ACAD11: variants seen among roughly 807,000 people sequenced by gnomAD.
ACAD11 encodes acyl-CoA dehydrogenase family member 11.
In ACAD11, 83 loss-of-function variants were observed where a neutral mutation model predicts 102.2. The ratio of observed to expected loss-of-function variants is 0.81; its 90% CI spans 0.68 to 0.97. The LOEUF (loss-of-function observed/expected upper bound fraction) is 0.97. Ranked by LOEUF, ACAD11 falls within the 50% of genes least tolerant of loss-of-function variation. The pLI is 0.00. For synonymous variants in ACAD11, 324 were observed against 319.8 expected (o/e 1.01, Z -0.14); for missense variants, 901 against 951.7 (o/e 0.95, Z 0.70).
chr3:132,561,338 T>C (rs1188190878), intron 17 of ACAD11, 121 bp from the exon 18 acceptor site: 3 of 748,198 alleles, frequency 4.0e-6, no homozygotes, highest in Non-Finnish European at 7.1e-6. Flanking sequence ...TTCACAAGCT[T>C]TACTCTATGT....
At chr3:132,559,187 T>C (rs1936973825) in intron 19 of ACAD11, 102 bp from the exon 20 acceptor site, 2 of 828,266 alleles carry the variant, frequency 2.4e-6, no homozygotes, top group African/African-American at 3.4e-5. Context: ...ATATTAATTC[T>C]TAAATTCCAC....
At chr3:132,611,920 A>G (rs1939171469) in intron 11 of ACAD11, among the ~76,000 whole-genome samples, 1 of 152,082 alleles carries the variant, frequency 6.6e-6, no homozygotes, top group Non-Finnish European at 1.5e-5. Context: ...TCGCCAAGTC[A>G]ATCCTAAGCC....
At chr3:132,590,368 G>C (rs925836468) in intron 13 of ACAD11, among the ~76,000 whole-genome samples, 2 of 151,946 alleles carry the variant, frequency 1.3e-5, no homozygotes, top group Admixed American at 6.6e-5. Flanking sequence ...AGTGATTCTC[G>C]TGCCTTGGCC....
intron 17 of ACAD11, among the ~76,000 whole-genome samples, chr3:132,568,251 T>C (rs1937268871): frequency 6.6e-6 from 1 of 151,842 alleles, no homozygotes; most frequent in South Asian, 2.1e-4. Context: ...AAAAAAACTA[T>C]ACTTCCATAT....
intron 11 of ACAD11, among the ~76,000 whole-genome samples, chr3:132,616,336 G>A (rs1939408504): frequency 6.6e-6 from 1 of 152,160 alleles, no homozygotes; most frequent in Non-Finnish European, 1.5e-5. Flanking sequence ...TGAGTTCACA[G>A]GTCAAATGAT....
chr3:132,646,463 G>A (rs1940721932), intron 1 of ACAD11: 1 of 152,150 alleles, frequency 6.6e-6, no homozygotes, highest in Non-Finnish European at 1.5e-5. Context: ...CATTTTTGAT[G>A]AGGCAGTTCT....
At chr3:132,584,017 GA>G (rs1559940211) in intron 13 of ACAD11, among the ~76,000 whole-genome samples, 2 of 152,204 alleles carry the variant, frequency 1.3e-5, no homozygotes, top group African/African-American at 4.8e-5. Flanking sequence ...GTGTGGTGCT[GA>G]AAAGAATGTA....
chr3:132,570,144 T>C (rs1195913185), intron 17 of ACAD11, among the ~76,000 whole-genome samples: 6 of 152,028 alleles, frequency 3.9e-5, no homozygotes, highest in Non-Finnish European at 8.8e-5. Context: ...AGTGGAAAAA[T>C]ATGAAAATCA....
intron 11 of ACAD11, among the ~76,000 whole-genome samples, chr3:132,612,471 A>T (rs1939200432): frequency 6.6e-6 from 1 of 152,008 alleles, no homozygotes; most frequent in Non-Finnish European, 1.5e-5. Context: ...ATTGCAACCT[A>T]CTCATCTGAC....
intron 1 of ACAD11, chr3:132,650,503 T>A (rs912072692): frequency 1.3e-5 from 2 of 152,184 alleles, no homozygotes; most frequent in South Asian, 2.1e-4. Flanking sequence ...ACAGTTTTTT[T>A]AAAAAATCAT....
chr3:132,588,701 C>A (rs1179244139), intron 13 of ACAD11, among the ~76,000 whole-genome samples: 1 of 152,140 alleles, frequency 6.6e-6, no homozygotes, highest in African/African-American at 2.4e-5. Context: ...AAAGGACCAT[C>A]CTCATTTGTA....
At chr3:132,579,462 C>T (rs1261315816) in intron 14 of ACAD11, 30 bp downstream of exon 14, 1 of 1,576,244 alleles carries the variant, frequency 6.3e-7, no homozygotes, top group Non-Finnish European at 8.7e-7. Flanking sequence ...CATTCCTACA[C>T]AGGTTTCTCA....
intron 13 of ACAD11, among the ~76,000 whole-genome samples, chr3:132,589,435 CTTAG>C (rs1460810231): frequency 6.6e-6 from 1 of 152,156 alleles, no homozygotes; most frequent in East Asian, 1.9e-4. Flanking sequence ...TGCTTTGATT[CTTAG>C]TTAGAAATTA....
At chr3:132,650,599 C>G (rs367748025) in intron 1 of ACAD11, among the ~76,000 whole-genome samples, 6 of 152,204 alleles carry the variant, frequency 3.9e-5, no homozygotes, top group African/African-American at 1.4e-4. Context: ...ACTTTATCCA[C>G]ATGATAAATA....
chr3:132,561,074 T>C (rs764349333), intron 18 of ACAD11, 27 bp downstream of exon 18: 6 of 1,555,138 alleles, frequency 3.9e-6, no homozygotes, highest in Non-Finnish European at 5.3e-6. Flanking sequence ...CAGCAGTTGG[T>C]GGTCTGAGGG....
intron 1 of ACAD11, 52 bp from the exon 2 acceptor site, chr3:132,644,948 C>A: frequency 9.0e-7 from 1 of 1,105,936 alleles, no homozygotes; most frequent in South Asian, 1.4e-5. Context: ...TGTTTTCCGT[C>A]ATCCCCAAAT....
At chr3:132,632,126 C>G (rs1304701188) in intron 5 of ACAD11, among the ~76,000 whole-genome samples, 1 of 151,126 alleles carries the variant, frequency 6.6e-6, no homozygotes. Context: ...CTCTGTCTCC[C>G]AGGCTGGAGT....
intron 13 of ACAD11, among the ~76,000 whole-genome samples, chr3:132,593,330 C>T (rs996879169): frequency 1.3e-5 from 2 of 151,814 alleles, no homozygotes; most frequent in South Asian, 4.1e-4. Context: ...AACACAATTG[C>T]AAAAAGAGGA....
At chr3:132,591,108 G>C (rs1418765828) in intron 13 of ACAD11, among the ~76,000 whole-genome samples, 1 of 152,076 alleles carries the variant, frequency 6.6e-6, no homozygotes, top group African/African-American at 2.4e-5. Context: ...GTATTGCCTA[G>C]GTCATCTTCC....
Sources: gnomAD v4.1 joint callset for allele counts (sites outside exome capture counted in the v4.1 genomes callset) on GRCh38, gnomAD v4.1.1 for gene constraint, MANE v1.5 for transcripts, NCBI Gene and HGNC (gene_info 2026-07-23, HGNC 2026-07-21) for gene names.